CYTH3: variants seen among roughly 807,000 people sequenced by gnomAD.
CYTH3 encodes the protein cytohesin-3.
A neutral mutation model predicts 55.1 loss-of-function variants in CYTH3; 23 were observed. The observed-to-expected ratio is 0.42, with a 90% CI of 0.30 to 0.59. CYTH3 has a LOEUF of 0.59. CYTH3 is among the 20% of genes least tolerant of loss of function. The pLI, the probability that CYTH3 is intolerant of heterozygous loss-of-function variation, is 0.20. For synonymous variants in CYTH3, 249 were observed against 194.9 expected (o/e 1.28, Z -2.31); for missense variants, 413 against 524.8 (o/e 0.79, Z 2.08).
At chr7:6,247,918 C>T (rs1213796151) in intron 1 of CYTH3, among the ~76,000 whole-genome samples, 1 of 152,002 alleles carries the variant, frequency 6.6e-6, no homozygotes, top group Non-Finnish European at 1.5e-5. Flanking sequence ...CCCCCCATCT[C>T]AGCCTCCCAA....
At chr7:6,271,952 A>G (rs1210009066) in intron 1 of CYTH3, among the ~76,000 whole-genome samples, 3 of 152,108 alleles carry the variant, frequency 2.0e-5, no homozygotes, top group Non-Finnish European at 4.4e-5. Flanking sequence ...CCCAAAGCCA[A>G]GCAGACTGTC....
intron 1 of CYTH3, among the ~76,000 whole-genome samples, chr7:6,203,555 T>C (rs78277539): frequency 6.6e-6 from 1 of 152,124 alleles, no homozygotes; most frequent in African/African-American, 2.4e-5. Flanking sequence ...GGAGACAATA[T>C]AGGAGCACTC....
Position 6,203,603 on chromosome 7 carries a change from A to C in CYTH3, c.35-13072T>G, listed in dbSNP as rs145301033. ...TGTGTCACTAATGCCTTCGATGGTG[A>C]CAGCACTGTGTAGAAAAACATAAAT... On this transcript the variant is annotated intron_variant, in intron 1 of 12. Coordinates refer to ENST00000350796, the MANE Select transcript of CYTH3 (RefSeq NM_004227.4). 8.2e-3 allele frequency among the ~76,000 whole-genome samples: 1,242 copies of C among 152,328 alleles called. 18 individuals carry two copies. The highest frequency in any genetic ancestry group is 0.028 in the African/African-American group (1,151 of 41,578).
chr7:6,204,180 C>T (rs759237321), intron 1 of CYTH3, among the ~76,000 whole-genome samples: 7 of 152,088 alleles, frequency 4.6e-5, no homozygotes, highest in South Asian at 2.1e-4. Flanking sequence ...CATAAGCTAA[C>T]GACGCATCTT....
chr7:6,223,356 G>C (rs911262401), intron 1 of CYTH3, among the ~76,000 whole-genome samples: 1 of 152,206 alleles, frequency 6.6e-6, no homozygotes, highest in Non-Finnish European at 1.5e-5. Flanking sequence ...CATCAAGAAC[G>C]GGCCATGATG....
intron 6 of CYTH3, chr7:6,172,973 G>C: frequency 1.8e-6 from 2 of 1,123,108 alleles, no homozygotes; most frequent in Non-Finnish European, 2.2e-6. Context: ...CCGAAGATTT[G>C]AGAAGATGAC....
At chr7:6,206,631 A>G (rs1784194037) in intron 1 of CYTH3, among the ~76,000 whole-genome samples, 1 of 152,208 alleles carries the variant, frequency 6.6e-6, no homozygotes, top group Admixed American at 6.5e-5. Context: ...TTAAAAGCCT[A>G]TGTCTGAAAA....
At chr7:6,258,361 T>C (rs1401871099) in intron 1 of CYTH3, among the ~76,000 whole-genome samples, 1 of 152,060 alleles carries the variant, frequency 6.6e-6, no homozygotes, top group Non-Finnish European at 1.5e-5. Flanking sequence ...TATATTTATT[T>C]GTGAAGGAAG....
At chr7:6,184,276 G>A (rs979026360) in intron 4 of CYTH3, among the ~76,000 whole-genome samples, 5 of 151,550 alleles carry the variant, frequency 3.3e-5, no homozygotes, top group African/African-American at 7.3e-5. Context: ...TAGCCAGGAT[G>A]GTCTCAATCT....
chr7:6,247,790 GCAGC>G (rs893116782), intron 1 of CYTH3, among the ~76,000 whole-genome samples: 1 of 152,036 alleles, frequency 6.6e-6, no homozygotes, highest in Non-Finnish European at 1.5e-5. Context: ...GACCACAGGT[GCAGC>G]GTGTACCACC....
intron 1 of CYTH3, among the ~76,000 whole-genome samples, chr7:6,210,408 G>A (rs915718605): frequency 6.6e-6 from 1 of 152,096 alleles, no homozygotes; most frequent in African/African-American, 2.4e-5. Context: ...TTGAAGATGC[G>A]ACAGAATATG....
At position 6,178,395 on chromosome 7, in the gene CYTH3, G is replaced by T. The variant is rs910859951; in HGVS notation, c.250-454C>A. Among the ~76,000 whole-genome samples, 3 of 152,360 alleles carry T rather than the reference G, an allele frequency of 2.0e-5. No homozygotes were observed. The South Asian group carries it at 6.2e-4, about 32-fold the overall frequency. Reference sequence around the variant, plus strand: ...CCGCTCCCTGCCACCCCCTTCACTAGAGAGGGAGTTTCCTGGCTGCCTTTG... The same window carrying T: ...CCGCTCCCTGCCACCCCCTTCACTATAGAGGGAGTTTCCTGGCTGCCTTTG... On this transcript the variant is annotated intron_variant, in intron 4 of 12. Coordinates refer to ENST00000350796, the MANE Select transcript of CYTH3 (RefSeq NM_004227.4).
intron 1 of CYTH3, among the ~76,000 whole-genome samples, chr7:6,263,467 G>A (rs1780407015): frequency 1.3e-5 from 2 of 152,128 alleles, no homozygotes; most frequent in South Asian, 2.1e-4. Flanking sequence ...CCTCAGTACC[G>A]TTTGTAACAC....
At chr7:6,180,012 G>C (rs2158639) in intron 4 of CYTH3, among the ~76,000 whole-genome samples, 5,201 of 152,138 alleles carry the variant, frequency 0.034, 356 homozygotes, top group East Asian at 0.33. Flanking sequence ...ACAGAGCCTA[G>C]GGCAGGAAAG....
intron 1 of CYTH3, among the ~76,000 whole-genome samples, chr7:6,206,049 A>C (rs1053912891): frequency 1.3e-5 from 2 of 152,188 alleles, no homozygotes; most frequent in Non-Finnish European, 2.9e-5. Context: ...CACTTAGAAA[A>C]ACAGTTTGGC....
At chr7:6,240,032 G>A (rs908375851) in intron 1 of CYTH3, among the ~76,000 whole-genome samples, 2 of 152,194 alleles carry the variant, frequency 1.3e-5, no homozygotes, top group Admixed American at 1.3e-4. Context: ...GAGGCTGGGT[G>A]CAGTGGCTCA....
chr7:6,245,867 G>A (rs1779800743), intron 1 of CYTH3, among the ~76,000 whole-genome samples: 1 of 152,220 alleles, frequency 6.6e-6, no homozygotes, highest in African/African-American at 2.4e-5. Flanking sequence ...TCGTGCCACT[G>A]CGCTACAGCC....
At chr7:6,220,996 C>CA (rs140892793) in intron 1 of CYTH3, among the ~76,000 whole-genome samples, 9,008 of 146,048 alleles carry the variant, frequency 0.062, 578 homozygotes, top group East Asian at 0.31. Flanking sequence ...ACCCCTTCTC[C>CA]AAAAAAAAAA....
chr7:6,165,118 G>A (rs1299320607), intron 12 of CYTH3, 102 bp from the exon 13 acceptor site: 40 of 1,568,758 alleles, frequency 2.5e-5, no homozygotes, highest in Non-Finnish European at 3.3e-5. Context: ...CGCAGGCTCA[G>A]ATCTGAACGT....
Sources: gnomAD v4.1 joint callset for allele counts (sites outside exome capture counted in the v4.1 genomes callset) on GRCh38, gnomAD v4.1.1 for gene constraint, MANE v1.5 for transcripts, NCBI Gene and HGNC (gene_info 2026-07-23, HGNC 2026-07-21) for gene names.